The following NCOR2 variants were observed in gnomAD, a reference collection of about 807,000 sequenced individuals.
NCOR2 encodes CTG repeat protein 26.
NCOR2 carries 81 observed loss-of-function variants against 262.9 expected under a neutral mutation model. The observed-to-expected ratio is 0.31, with a 90% CI of 0.26 to 0.37. The LOEUF is 0.37. Ranked by LOEUF, NCOR2 falls within the 10% of genes least tolerant of loss-of-function variation. The pLI is 1.00. For missense variants in NCOR2, 3,385 were observed against 3,621.4 expected (o/e 0.93, Z 1.68); for synonymous variants, 1,659 against 1,559.3 (o/e 1.06, Z -1.51).
At position 124,432,554 on chromosome 12, in the gene NCOR2, C is replaced by A. The variant is rs2044025585; in HGVS notation, c.883-1767G>T. ...CACCAGACAGCCCGGATGGAGCCCA[C>A]TGCCACACCACAGGAAGCTGTGCTG... On this transcript the variant is annotated intron_variant, in intron 8 of 46. Transcript: ENST00000405201. This position sits in a 1 kb window ranked among gnomAD's most constrained non-coding sequence, Gnocchi z 5.1. Among the ~76,000 whole-genome samples the A allele has an allele frequency of 6.6e-6, 1 of 152,214 alleles. No homozygotes were observed. The highest frequency in any genetic ancestry group is 1.9e-4 in the East Asian group (1 of 5,194).
chr12:124,340,364 C>A, exon 36 of NCOR2: 1 of 1,613,046 alleles, frequency 6.2e-7, no homozygotes. Context: ...GCTCCCGATC[C>A]CGGTCCCGCT....
intron 13 of NCOR2, among the ~76,000 whole-genome samples, chr12:124,416,555 C>T (rs1399741129): frequency 2.0e-5 from 3 of 151,398 alleles, no homozygotes; most frequent in Middle Eastern, 3.5e-3. Context: ...CAGGGAGACC[C>T]GCGGCACAGA....
At chr12:124,340,781 C>G in intron 34 of NCOR2, 30 bp from the exon 37 acceptor site, 1 of 1,490,148 alleles carries the variant, frequency 6.7e-7, no homozygotes, top group South Asian at 1.4e-5. Flanking sequence ...AGGGCTGTAG[C>G]CACAGGGAGG....
rs1044157967 is a variant in NCOR2, at chr12:124,517,651, C to T, written c.-118+17914G>A. Among the ~76,000 whole-genome samples the T allele has an allele frequency of 2.0e-5, 3 of 152,320 alleles. No individual in the cohort carries two copies. The highest frequency in any genetic ancestry group is 2.0e-4 in the Admixed American group (3 of 15,314). ...GCCCTCCTGAAGTCAACTCCGGGAACAGAAGCCCCCTGAGCCCCCAAGGCT... is the reference window on the plus strand; with the variant it reads ...GCCCTCCTGAAGTCAACTCCGGGAATAGAAGCCCCCTGAGCCCCCAAGGCT... On this transcript the variant is annotated intron_variant, in intron 1 of 46. Coordinates refer to the NCOR2 transcript ENST00000404621. The surrounding 1 kb of genome is among the most constrained non-coding windows in gnomAD (Gnocchi z 7.6).
chr12:124,469,740 G>C (rs2046730274), intron 4 of NCOR2, among the ~76,000 whole-genome samples: 1 of 152,216 alleles, frequency 6.6e-6, no homozygotes, highest in Admixed American at 6.5e-5. Flanking sequence ...AGGAGATAAT[G>C]CTGAAAAAAC....
At chr12:124,529,174 C>T (rs112706806) in intron 1 of NCOR2, among the ~76,000 whole-genome samples, 4,652 of 80,648 alleles carry the variant, frequency 0.058, 135 homozygotes, top group Non-Finnish European at 0.073. Context: ...AGCGAAACTC[C>T]GACTCAAAAA....
At chr12:124,516,327 G>C (rs1282230790) in intron 1 of NCOR2, among the ~76,000 whole-genome samples, 1 of 152,164 alleles carries the variant, frequency 6.6e-6, no homozygotes, top group African/African-American at 2.4e-5. Flanking sequence ...GCCTGGCCCA[G>C]GGCTGGCACG....
chr12:124,339,893 G>GGCCCCCCCCCCCCCCCCC, intron 37 of NCOR2, 113 bp downstream of exon 39: 8 of 566,002 alleles, frequency 1.4e-5, no homozygotes, highest in Admixed American at 2.8e-5. Context: ...CCACACATCT[G>GGCCCCCCCCCCCCCCCCC]CCCACCCACC....
intron 37 of NCOR2, 95 bp downstream of exon 39, chr12:124,339,911 C>CAAAAA: frequency 9.2e-7 from 1 of 1,090,174 alleles, no homozygotes; most frequent in Non-Finnish European, 1.3e-6. Flanking sequence ...ACCCACCTCC[C>CAAAAA]ATATACCTCC....
At chr12:124,369,697 C>T (rs1475167226) in intron 20 of NCOR2, among the ~76,000 whole-genome samples, 1 of 152,134 alleles carries the variant, frequency 6.6e-6, no homozygotes, top group Non-Finnish European at 1.5e-5. Flanking sequence ...TGGGCCTAGT[C>T]GCACAGGGCG....
chr12:124,543,978 C>A (rs2051462130), intron 1 of NCOR2, among the ~76,000 whole-genome samples: 2 of 152,222 alleles, frequency 1.3e-5, no homozygotes, highest in Admixed American at 1.3e-4. Context: ...CCACATCCTC[C>A]CCCTGTGCAG....
Position 124,523,717 on chromosome 12 carries a change from G to A in NCOR2, c.-118+11848C>T, listed in dbSNP as rs568648835. ...TTTGTGTTGGGCTGCATTTAAAACCGTCCTGAGCCGCAGGTTGGACAAGCT... is the reference window on the plus strand; with the variant it reads ...TTTGTGTTGGGCTGCATTTAAAACCATCCTGAGCCGCAGGTTGGACAAGCT... On this transcript the variant is annotated intron_variant, in intron 1 of 46. Transcript: ENST00000404621. The surrounding 1 kb of genome is among the most constrained non-coding windows in gnomAD (Gnocchi z 4.0). Among the ~76,000 whole-genome samples, 11 of 151,750 alleles carry A rather than the reference G, an allele frequency of 7.2e-5. No individual in the cohort carries two copies. The Middle Eastern group carries it at 0.01, about 143-fold the overall frequency.
At chr12:124,406,450 C>G (rs1371089521) in intron 13 of NCOR2, among the ~76,000 whole-genome samples, 1 of 152,186 alleles carries the variant, frequency 6.6e-6, no homozygotes, top group Non-Finnish European at 1.5e-5. Context: ...AGGAGTGAGG[C>G]CTTCAAGAAT....
intron 16 of NCOR2, among the ~76,000 whole-genome samples, chr12:124,391,529 C>A (rs2041306174): frequency 6.6e-6 from 1 of 152,136 alleles, no homozygotes. Context: ...AGGGACGGTG[C>A]CTCCGCATTG....
chr12:124,379,888 A>C (rs778426400), intron 17 of NCOR2, among the ~76,000 whole-genome samples: 1 of 152,236 alleles, frequency 6.6e-6, no homozygotes, highest in Admixed American at 6.5e-5. Flanking sequence ...GGAGAGATGC[A>C]GCTACAAGCC....
intron 1 of NCOR2, among the ~76,000 whole-genome samples, chr12:124,547,271 G>A (rs893073735): frequency 1.3e-5 from 2 of 152,196 alleles, no homozygotes; most frequent in Non-Finnish European, 2.9e-5. Context: ...GGGGTTACAG[G>A]CATGAGCCAC....
chr12:124,349,761 T>A (rs1292817569), intron 28 of NCOR2, among the ~76,000 whole-genome samples: 1 of 152,126 alleles, frequency 6.6e-6, no homozygotes, highest in East Asian at 1.9e-4. Flanking sequence ...CCCAGTGACC[T>A]CTCAAGACAA....
At chr12:124,384,278 C>G (rs2040630841) in intron 17 of NCOR2, among the ~76,000 whole-genome samples, 1 of 152,230 alleles carries the variant, frequency 6.6e-6, no homozygotes, top group East Asian at 1.9e-4. Flanking sequence ...GGGACTTCAG[C>G]AAGTGTTAGG....
intron 1 of NCOR2, among the ~76,000 whole-genome samples, chr12:124,533,258 G>C (rs1330555062): frequency 1.3e-5 from 2 of 151,894 alleles, no homozygotes; most frequent in African/African-American, 4.8e-5. Context: ...GCCTCCTCCA[G>C]GAAAACTCCC....
Sources: allele counts gnomAD v4.1 joint callset (sites outside exome capture counted in the v4.1 genomes callset), GRCh38; gene constraint gnomAD v4.1.1; non-coding constraint Gnocchi (gnomAD v3.1); transcripts MANE v1.5; gene names NCBI Gene and HGNC (gene_info 2026-07-23, HGNC 2026-07-21).